SLC24A3: variants seen among roughly 807,000 people sequenced by gnomAD.
SLC24A3 encodes the protein solute carrier family 24 member 3.
Under a neutral mutation model 75.8 loss-of-function variants are expected in SLC24A3, and 28 were observed. The ratio of observed to expected loss-of-function variants is 0.37; its 90% CI spans 0.27 to 0.51. The LOEUF is 0.51. SLC24A3 is among the 20% of genes least tolerant of loss of function. The pLI is 0.94. For missense variants in SLC24A3, 663 were observed against 847.8 expected (o/e 0.78, Z 2.71); for synonymous variants, 372 against 334.1 (o/e 1.11, Z -1.24).
chr20:19,515,889 G>A (rs2029978285), intron 3 of SLC24A3, among the ~76,000 whole-genome samples: 1 of 152,094 alleles, frequency 6.6e-6, no homozygotes, highest in African/African-American at 2.4e-5. Context: ...TTCCTAACTG[G>A]CCTTTCTGAA....
chr20:19,267,451 A>T (rs1008492812), intron 1 of SLC24A3, among the ~76,000 whole-genome samples: 1 of 152,214 alleles, frequency 6.6e-6, no homozygotes, highest in Non-Finnish European at 1.5e-5. Flanking sequence ...TCAGTAGATT[A>T]ATCTTGCAAC....
Position 19,678,663 on chromosome 20 carries a change from G to A in SLC24A3, c.768-3195G>A, listed in dbSNP as rs370759662. ...GGGGCTGACCCTCCACCTCCCTCCC[G>A]GACACGGCGGCTGCCGGGCGGAGAC... On this transcript the variant is annotated intron_variant, in intron 9 of 16. Coordinates refer to ENST00000328041, the MANE Select transcript of SLC24A3 (RefSeq NM_020689.4). Among the ~76,000 whole-genome samples, 47 of 148,738 alleles carry A rather than the reference G, an allele frequency of 3.2e-4. 1 individual carries two copies. Among genetic ancestry groups the A allele is most frequent in the South Asian group, 6.3e-4 (3 of 4,736 alleles).
chr20:19,610,965 A>C (rs755810194), intron 6 of SLC24A3, among the ~76,000 whole-genome samples: 3 of 152,254 alleles, frequency 2.0e-5, no homozygotes, highest in Non-Finnish European at 4.4e-5. Context: ...ATATACAGGC[A>C]GGAACCAGCT....
At chr20:19,314,918 T>C (rs929358791) in intron 2 of SLC24A3, among the ~76,000 whole-genome samples, 1 of 152,230 alleles carries the variant, frequency 6.6e-6, no homozygotes, top group Non-Finnish European at 1.5e-5. Flanking sequence ...ATGCACAGAA[T>C]TGCAGTATCA....
intron 2 of SLC24A3, among the ~76,000 whole-genome samples, chr20:19,510,520 C>T (rs1240524797): frequency 1.3e-5 from 2 of 152,216 alleles, no homozygotes; most frequent in Non-Finnish European, 2.9e-5. Context: ...ATGTTTGTTC[C>T]CACTTCCCAG....
intron 2 of SLC24A3, among the ~76,000 whole-genome samples, chr20:19,492,136 A>T (rs1988218365): frequency 6.6e-6 from 1 of 152,194 alleles, no homozygotes; most frequent in South Asian, 2.1e-4. Context: ...TTTGATAGGA[A>T]ACTTTGCAAG....
chr20:19,657,929 T>A (rs189732667), intron 7 of SLC24A3, among the ~76,000 whole-genome samples: 58 of 152,346 alleles, frequency 3.8e-4, no homozygotes, highest in African/African-American at 1.4e-3. Context: ...TTAAAAGCCC[T>A]TCCTCGTACC....
intron 2 of SLC24A3, among the ~76,000 whole-genome samples, chr20:19,455,674 C>G (rs1987566077): frequency 6.6e-6 from 1 of 152,168 alleles, no homozygotes; most frequent in South Asian, 2.1e-4. Flanking sequence ...CAGAGCATCC[C>G]CAGGAGGATC....
At chr20:19,583,588 G>A (rs931712116) in intron 4 of SLC24A3, among the ~76,000 whole-genome samples, 1 of 152,140 alleles carries the variant, frequency 6.6e-6, no homozygotes, top group South Asian at 2.1e-4. Context: ...AAACAAACTG[G>A]CTGGATGAAG....
chr20:19,464,418 G>A (rs1229369576), intron 2 of SLC24A3, among the ~76,000 whole-genome samples: 1 of 149,524 alleles, frequency 6.7e-6, no homozygotes, highest in African/African-American at 2.5e-5. Context: ...CACACACAAA[G>A]CCAGTAAGAG....
At chr20:19,665,916 T>C (rs1162382631) in intron 8 of SLC24A3, 27 bp downstream of exon 8, 2 of 1,610,252 alleles carry the variant, frequency 1.2e-6, no homozygotes, top group Admixed American at 1.7e-5. Flanking sequence ...CCCCTTCTCA[T>C]TTCTGAATGT....
intron 15 of SLC24A3, among the ~76,000 whole-genome samples, chr20:19,701,309 G>C (rs1430787398): frequency 2.0e-5 from 3 of 151,902 alleles, no homozygotes; most frequent in Non-Finnish European, 4.4e-5. Context: ...TGAGACACGA[G>C]GGCATGAATA....
chr20:19,622,595 T>G (rs1485184915), intron 6 of SLC24A3, among the ~76,000 whole-genome samples: 1 of 152,208 alleles, frequency 6.6e-6, no homozygotes, highest in African/African-American at 2.4e-5. Context: ...CACCATGCTT[T>G]GGGCTAAACT....
intron 6 of SLC24A3, among the ~76,000 whole-genome samples, chr20:19,594,633 G>T (rs974030590): frequency 1.3e-5 from 2 of 152,222 alleles, no homozygotes; most frequent in Non-Finnish European, 2.9e-5. Flanking sequence ...CTAGTAGCAG[G>T]CTTCGAGATG....
rs561478855 is a variant in SLC24A3 at position 19,718,641 on chromosome 20, A to G, written c.1785+1048A>G. 2.0e-5 allele frequency among the ~76,000 whole-genome samples: 3 copies of G among 152,310 alleles called. No homozygotes were observed. In the East Asian group the frequency reaches 5.8e-4, roughly 29 times the overall value. On this transcript the variant is annotated intron_variant, in intron 16 of 16. Transcript: ENST00000328041. ...ACGGTGCATCTTTTTAGGCTATGCTATAGTTATACCATCTACAGGAGACCT... is the reference window on the plus strand; with the variant it reads ...ACGGTGCATCTTTTTAGGCTATGCTGTAGTTATACCATCTACAGGAGACCT...
At chr20:19,615,961 A>C (rs1180478321) in intron 6 of SLC24A3, among the ~76,000 whole-genome samples, 1 of 152,142 alleles carries the variant, frequency 6.6e-6, no homozygotes, top group Non-Finnish European at 1.5e-5. Context: ...CTATGGTGGG[A>C]CTTCACCTTG....
At chr20:19,504,602 T>C (rs1247508930) in intron 2 of SLC24A3, among the ~76,000 whole-genome samples, 1 of 152,222 alleles carries the variant, frequency 6.6e-6, no homozygotes, top group African/African-American at 2.4e-5. Context: ...AGTGGGTTCC[T>C]GTGTACATCA....
intron 3 of SLC24A3, among the ~76,000 whole-genome samples, chr20:19,548,665 A>G (rs1189878716): frequency 6.6e-6 from 1 of 152,178 alleles, no homozygotes; most frequent in Non-Finnish European, 1.5e-5. Flanking sequence ...ATCTCTTTCA[A>G]CAGAAAGAGT....
intron 10 of SLC24A3, 109 bp from the exon 11 acceptor site, chr20:19,684,067 G>A: frequency 8.0e-7 from 1 of 1,256,714 alleles, no homozygotes; most frequent in South Asian, 1.4e-5. Flanking sequence ...GTGAATGGAT[G>A]GGAGGAAAGA....
Sources: allele counts gnomAD v4.1 joint callset (sites outside exome capture counted in the v4.1 genomes callset), GRCh38; gene constraint gnomAD v4.1.1; transcripts MANE v1.5; gene names NCBI Gene and HGNC (gene_info 2026-07-23, HGNC 2026-07-21).